HDAC9: variants seen among roughly 807,000 people sequenced by gnomAD.
HDAC9 encodes histone deacetylase 9.
In HDAC9, 41 loss-of-function variants were observed where a neutral mutation model predicts 139.4. The observed-to-expected ratio is 0.29, with a 90% CI of 0.23 to 0.38. The LOEUF is 0.38. Among genes scored for constraint, HDAC9 ranks in the 10% least tolerant of loss-of-function variants. The probability of loss-of-function intolerance (pLI) is 1.00; values close to 1 mark genes in which losing one functional copy is unlikely to be tolerated. For missense variants in HDAC9, 1,147 were observed against 1,297.0 expected, an observed-to-expected ratio of 0.88 and a Z score of 1.78; for synonymous variants, 517 against 476.2, an observed-to-expected ratio of 1.09 and a Z score of -1.12.
chr7:18,473,295 T>G (rs1794863936), intron 1 of HDAC9, among the ~76,000 whole-genome samples: 1 of 152,224 alleles, frequency 6.6e-6, no homozygotes, highest in African/African-American at 2.4e-5. Flanking sequence ...TAACATATGG[T>G]AGTTGTGATG....
chr7:18,534,628 T>A (rs562303553), intron 2 of HDAC9, among the ~76,000 whole-genome samples: 245 of 152,190 alleles, frequency 1.6e-3, no homozygotes, highest in Non-Finnish European at 3.0e-3. Context: ...AGTCGTTAGG[T>A]GTCTCAAGGA....
intron 2 of HDAC9, among the ~76,000 whole-genome samples, chr7:18,179,782 G>T (rs1252492450): frequency 6.6e-6 from 1 of 152,168 alleles, no homozygotes; most frequent in African/African-American, 2.4e-5. Context: ...CTTTGTCCCA[G>T]ATTCCTCATT....
At chr7:18,987,379 G>T (rs2129346265) in intron 25 of HDAC9, among the ~76,000 whole-genome samples, 1 of 152,198 alleles carries the variant, frequency 6.6e-6, no homozygotes, top group Non-Finnish European at 1.5e-5. Context: ...TTATTGATTT[G>T]CATATATTGA....
chr7:18,806,053 C>T (rs967798107), intron 17 of HDAC9, among the ~76,000 whole-genome samples: 3 of 152,114 alleles, frequency 2.0e-5, no homozygotes, highest in African/African-American at 7.2e-5. Flanking sequence ...TTCAATGAGG[C>T]TGAACTGGAC....
chr7:19,000,928 C>T lies in HDAC9; in HGVS notation c.*4866C>T, dbSNP rs558656996. ...CCACTAGGCCTACTGTCTTTCATGCCATTTTATATAAACATTTTGATAGAT... is the reference window on the plus strand; with the variant it reads ...CCACTAGGCCTACTGTCTTTCATGCTATTTTATATAAACATTTTGATAGAT... On this transcript the variant is annotated 3_prime_UTR_variant, in exon 26 of 26. Transcript: ENST00000686413. 6.6e-6 allele frequency: 1 copy of T among 152,186 alleles called. No individual in the cohort carries two copies. The highest frequency in any genetic ancestry group is 1.5e-5 in the Non-Finnish European group (1 of 68,000). The allele number at this position is 152,186 out of a possible 1,614,324, so 9.4% of individuals were successfully genotyped here. A position where few individuals can be genotyped will look rare whatever the true frequency, so the allele number is the denominator to read the frequency against.
At chr7:18,110,051 A>G (rs541420157) in intron 1 of HDAC9, among the ~76,000 whole-genome samples, 6 of 152,314 alleles carry the variant, frequency 3.9e-5, no homozygotes, top group South Asian at 2.1e-4. Context: ...TCCCCAGACA[A>G]TTCTGAAAGT....
rs1283063251 is a variant in HDAC9 at position 18,999,647 on chromosome 7, C to CT, written c.*3585_*3586insT. The CT allele has an allele frequency of 1.3e-5, 2 of 152,126 alleles. No individual in the cohort carries two copies. The highest frequency in any genetic ancestry group is 1.5e-5 in the Non-Finnish European group (1 of 68,050). 9.4% of individuals were successfully genotyped at this position (152,126 alleles called of 1,614,324 possible). A position where few individuals can be genotyped will look rare whatever the true frequency, so the allele number is the denominator to read the frequency against. ...AGAGACGGGGTTTCTCCATGTTGGT[C>CT]AGGCTGGTCTCAAACTCCCGACCTC... is the stretch of plus-strand genomic sequence containing the variant. On this transcript the variant is annotated 3_prime_UTR_variant, in exon 26 of 26. Transcript: ENST00000686413.
At chr7:18,203,822 C>T (rs1025915876) in intron 2 of HDAC9, among the ~76,000 whole-genome samples, 2 of 152,192 alleles carry the variant, frequency 1.3e-5, no homozygotes, top group South Asian at 2.1e-4. Context: ...GTTGTGTGAA[C>T]ACCTGTGATT....
intron 21 of HDAC9, among the ~76,000 whole-genome samples, chr7:18,850,503 GA>G (rs1464659867): frequency 6.6e-6 from 1 of 152,120 alleles, no homozygotes; most frequent in Non-Finnish European, 1.5e-5. Context: ...CAAACATAAT[GA>G]AGAAGTATTT....
chr7:18,642,392 A>G (rs993088959), intron 8 of HDAC9, among the ~76,000 whole-genome samples: 2 of 152,090 alleles, frequency 1.3e-5, no homozygotes, highest in African/African-American at 4.8e-5. Context: ...GTCTTCCAGC[A>G]GTGGCTGCAG....
In HDAC9 at chr7:18,998,809, C is replaced by T. The variant is rs920469153; in HGVS notation, c.*2747C>T. The T allele has an allele frequency of 6.6e-6, 1 of 152,090 alleles. No individual in the cohort carries two copies. The highest frequency in any genetic ancestry group is 3.2e-3 in the Middle Eastern group (1 of 316). The allele number at this position is 152,090 out of a possible 1,614,324, so 9.4% of individuals were successfully genotyped here. ...TCTCATGGTCTCATGGTATCTCATACAGGGTGAATAAAAATGATTTTTGAT... is the reference window on the plus strand; with the variant it reads ...TCTCATGGTCTCATGGTATCTCATATAGGGTGAATAAAAATGATTTTTGAT... On this transcript the variant is annotated 3_prime_UTR_variant, in exon 26 of 26. Transcript: ENST00000686413.
At chr7:18,738,009 T>C (rs1240365176) in intron 13 of HDAC9, among the ~76,000 whole-genome samples, 2 of 152,228 alleles carry the variant, frequency 1.3e-5, no homozygotes, top group East Asian at 1.9e-4. Context: ...TTTACCATTA[T>C]GTAATGGTGT....
chr7:18,177,532 G>T (rs565811294), intron 2 of HDAC9, among the ~76,000 whole-genome samples: 2 of 152,218 alleles, frequency 1.3e-5, no homozygotes, highest in South Asian at 2.1e-4. Flanking sequence ...TTGCTTGGAG[G>T]CCTTTGAATG....
intron 2 of HDAC9, among the ~76,000 whole-genome samples, chr7:18,548,346 A>G (rs1160380594): frequency 6.6e-6 from 1 of 152,192 alleles, no homozygotes; most frequent in Admixed American, 6.5e-5. Context: ...AAATTGAACT[A>G]TTGCAAGAAT....
chr7:18,211,860 A>G (rs955838479), intron 2 of HDAC9, among the ~76,000 whole-genome samples: 2 of 152,206 alleles, frequency 1.3e-5, no homozygotes, highest in South Asian at 2.1e-4. Flanking sequence ...TAAGGAGGAG[A>G]CTTAAGAGGG....
chr7:18,410,219 T>C (rs983816323), intron 1 of HDAC9, among the ~76,000 whole-genome samples: 2 of 152,160 alleles, frequency 1.3e-5, no homozygotes, highest in Non-Finnish European at 2.9e-5. Flanking sequence ...GTTTAACCTA[T>C]GGTCAGGGTG....
intron 1 of HDAC9, among the ~76,000 whole-genome samples, chr7:18,363,783 A>G (rs945746378): frequency 2.6e-5 from 4 of 152,142 alleles, no homozygotes; most frequent in South Asian, 2.1e-4. Context: ...CTTTTTGTTC[A>G]TGGTTGATCT....
intron 23 of HDAC9, among the ~76,000 whole-genome samples, chr7:18,938,093 G>T (rs993790821): frequency 2.0e-5 from 3 of 152,088 alleles, no homozygotes; most frequent in African/African-American, 7.2e-5. Context: ...GAGAACTCTG[G>T]CCATTTTAGT....
intron 12 of HDAC9, among the ~76,000 whole-genome samples, chr7:18,690,588 G>T (rs999960373): frequency 6.6e-6 from 1 of 151,878 alleles, no homozygotes; most frequent in South Asian, 2.1e-4. Flanking sequence ...AAAATGAGAA[G>T]CAGCCGCCTT....
Sources: gnomAD v4.1 joint callset for allele counts (sites outside exome capture counted in the v4.1 genomes callset) on GRCh38, gnomAD v4.1.1 for gene constraint, MANE v1.5 for transcripts, NCBI Gene and HGNC (gene_info 2026-07-23, HGNC 2026-07-21) for gene names.